Variants in THYN1 observed in about 807,000 individuals in gnomAD.
THYN1 encodes the protein thymocyte nuclear protein 1.
Under a neutral mutation model 30.6 loss-of-function variants are expected in THYN1, and 32 were observed. The observed-to-expected ratio is 1.05, with a 90% CI of 0.79 to 1.40. The LOEUF (loss-of-function observed/expected upper bound fraction) is 1.40. THYN1 is among the 40% of genes most tolerant of loss of function. THYN1 has a pLI of 0.00. For missense variants in THYN1, 259 were observed against 272.6 expected (o/e 0.95, Z 0.35); for synonymous variants, 107 against 90.8 (o/e 1.18, Z -1.01).
chr11:134,248,497 A>G lies in THYN1; in HGVS notation c.632-13T>C. The G allele has an allele frequency of 6.2e-7, 1 of 1,613,994 alleles. No individual in the cohort carries two copies. The highest frequency in any genetic ancestry group is 1.1e-5 in the South Asian group (1 of 91,038). On this transcript the variant is annotated splice_polypyrimidine_tract_variant and intron_variant, in intron 6 of 6. Coordinates refer to ENST00000341541, the MANE Select transcript of THYN1 (RefSeq NM_014174.3). The stretch of plus-strand genomic sequence containing the variant: ...AAATCAAACTCTTCTACAAAAAAAA[A>G]AGGGAAAAAGGAAGGATTAGTTTTT...
At position 134,249,174 on chromosome 11, in the gene THYN1, C is replaced by G; in HGVS notation, c.473G>C (p.Trp158Ser). ...DPSSKEDNPK[W>S]SMVDVQFVRM... ...AGAAAGCATAGTCTTTACCATGGAC[C>G]ACTTAGGGTTGTCCTCTTTGCTAGA... is the stretch of plus-strand genomic sequence containing the variant. Residue 158 changes from tryptophan to serine, a missense_variant, in exon 5 of 7, where the codon TGG becomes TCG. By Grantham distance (177) the Trp-to-Ser change is radical. Coordinates refer to ENST00000341541, the MANE Select transcript of THYN1 (RefSeq NM_014174.3). 6.2e-7 allele frequency: 1 copy of G among 1,611,614 alleles called. No homozygotes were observed. The highest frequency in any genetic ancestry group is 8.5e-7 in the Non-Finnish European group (1 of 1,178,970).
intron 3 of THYN1, 88 bp from the exon 4 acceptor site, chr11:134,250,008 G>T: frequency 7.5e-7 from 1 of 1,327,002 alleles, no homozygotes; most frequent in Non-Finnish European, 1.1e-6. Context: ...TTTAATAGAT[G>T]GGTGATTCTT....
chr11:134,248,983 CAGAA>C lies in THYN1; in HGVS notation c.481-28_481-25del, dbSNP rs747087764. On this transcript the variant is annotated intron_variant, in intron 5 of 6. Coordinates refer to ENST00000341541, the MANE Select transcript of THYN1 (RefSeq NM_014174.3). ...ACCTATGTGACAACAGTGTACATGACAGAAAGACGTGTCTAGGCTGACTGTGCCC... is the reference window on the plus strand; with the variant it reads ...ACCTATGTGACAACAGTGTACATGACAGACGTGTCTAGGCTGACTGTGCCC... 3.7e-6 allele frequency: 6 copies of C among 1,613,830 alleles called. No individual in the cohort carries two copies. In the African/African-American group the frequency reaches 5.3e-5, roughly 14 times the overall value.
rs183185765 is a variant in THYN1 at position 134,253,188 on chromosome 11, A to C, written c.-306T>G. The C allele has an allele frequency of 9.0e-5, 120 of 1,328,962 alleles. No homozygotes were observed. The East Asian group carries it at 3.6e-3, about 40-fold the overall frequency. The allele number at this position is 1,328,962 out of a possible 1,614,324, so 82.3% of individuals were successfully genotyped here. A position where few individuals can be genotyped will look rare whatever the true frequency, so the allele number is the denominator to read the frequency against. On this transcript the variant is annotated 5_prime_UTR_variant, in exon 1 of 7. Transcript: ENST00000341541. Reference sequence around the variant, plus strand: ...TTCACTGGGAAGTGGCTCCACAGAGACACTTTTGTTGGGTGAATATAAGTA... The same window carrying C: ...TTCACTGGGAAGTGGCTCCACAGAGCCACTTTTGTTGGGTGAATATAAGTA...
chr11:134,250,637 A>G (rs1160406085), intron 2 of THYN1, among the ~76,000 whole-genome samples: 1 of 152,212 alleles, frequency 6.6e-6, no homozygotes, highest in South Asian at 2.1e-4. Flanking sequence ...AGTTCTGCTT[A>G]TATTTTTCCC....
At chr11:134,249,706 A>C in intron 4 of THYN1, 122 bp downstream of exon 4, 1 of 885,028 alleles carries the variant, frequency 1.1e-6, no homozygotes, top group East Asian at 2.7e-5. Flanking sequence ...TTCCTGTAAA[A>C]GGGGGATGGG....
In THYN1 at chr11:134,249,151, A is replaced by G. The variant is rs1938927648; in HGVS notation, c.480+16T>C. 1 of 1,603,494 alleles carries G rather than the reference A, an allele frequency of 6.2e-7. No homozygotes were observed. The highest frequency in any genetic ancestry group is 8.5e-7 in the Non-Finnish European group (1 of 1,174,344). On this transcript the variant is annotated intron_variant, in intron 5 of 6. Coordinates refer to ENST00000341541, the MANE Select transcript of THYN1 (RefSeq NM_014174.3). Reference sequence around the variant, plus strand: ...TCATCCTTCCCCTGTCATGAAATAGAAAGCATAGTCTTTACCATGGACCAC... The same window carrying G: ...TCATCCTTCCCCTGTCATGAAATAGGAAGCATAGTCTTTACCATGGACCAC...
chr11:134,249,969 A>G (rs765759324), intron 3 of THYN1, 49 bp from the exon 4 acceptor site: 1 of 1,563,190 alleles, frequency 6.4e-7, no homozygotes, highest in Non-Finnish European at 8.7e-7. Context: ...GCTGGAAAGT[A>G]CTAGCTTTTA....
Position 134,249,878 on chromosome 11 carries a change from A to C in THYN1, c.334T>G (p.Phe112Val), listed in dbSNP as rs774542482. The C allele has an allele frequency of 2.0e-5, 32 of 1,614,180 alleles. No homozygotes were observed. The South Asian group carries it at 2.2e-4, about 11-fold the overall frequency. ...TCTTTGCAGTTGCTATGGTAGAAGA[A>C]GGCTTCTTCTCCCAGCTTCATGGCT... ...LRAMKLGEEAFFYHSNCKEPG... is the reference protein window; with the variant it reads ...LRAMKLGEEAVFYHSNCKEPG... The change falls in exon 4 of 7, where the codon TTC becomes GTC. Residue 112 changes from phenylalanine (F) to valine (V), a missense_variant. Transcript: ENST00000341541.
chr11:134,248,546 G>C (rs1488369668), intron 6 of THYN1, 62 bp from the exon 7 acceptor site: 10 of 1,592,720 alleles, frequency 6.3e-6, no homozygotes, highest in Non-Finnish European at 8.6e-6. Flanking sequence ...GAACAGGAAA[G>C]TTGTGCCAGG....
At chr11:134,252,771 A>G (rs1268929218) in intron 1 of THYN1, 69 bp downstream of exon 1, 2 of 1,557,536 alleles carry the variant, frequency 1.3e-6, no homozygotes, top group Non-Finnish European at 1.8e-6. Context: ...GTGAAAAATG[A>G]GTACTAAACA....
intron 5 of THYN1, 90 bp downstream of exon 5, chr11:134,249,077 G>A: frequency 1.3e-6 from 2 of 1,545,228 alleles, no homozygotes; most frequent in Middle Eastern, 3.4e-4. Flanking sequence ...GTAAGTGCTG[G>A]GCCGTGTACC....
Position 134,253,006 on chromosome 11 carries a change from G to C in THYN1, c.-124C>G. The C allele has an allele frequency of 6.9e-7, 1 of 1,454,852 alleles. No homozygotes were observed. Among genetic ancestry groups the C allele is most frequent in the Non-Finnish European group, 9.0e-7 (1 of 1,109,014 alleles). 90.1% of individuals were successfully genotyped at this position (1,454,852 alleles called of 1,614,324 possible). A position where few individuals can be genotyped will look rare whatever the true frequency, so the allele number is the denominator to read the frequency against. On this transcript the variant is annotated 5_prime_UTR_variant, in exon 1 of 7. Transcript: ENST00000341541. ...GAGGCAACGAGAGGCAGCCTAGAAC[G>C]TCTCCAACTTTTGCGAAACACAGAC...
At chr11:134,249,545 T>C (rs1473015824) in intron 4 of THYN1, among the ~76,000 whole-genome samples, 2 of 152,200 alleles carry the variant, frequency 1.3e-5, no homozygotes, top group African/African-American at 4.8e-5. Flanking sequence ...AGTTAATAAT[T>C]TTATCCTGAT....
At chr11:134,252,350 G>A (rs1288893792) in intron 1 of THYN1, among the ~76,000 whole-genome samples, 2 of 152,132 alleles carry the variant, frequency 1.3e-5, no homozygotes, top group Non-Finnish European at 2.9e-5. Context: ...ACCTTCCAAT[G>A]TTCCTCCTCC....
At chr11:134,250,481 G>T in intron 2 of THYN1, 138 bp from the exon 3 acceptor site, 7 of 855,386 alleles carry the variant, frequency 8.2e-6, no homozygotes, top group Non-Finnish European at 1.1e-5. Context: ...CCGGGAAGTG[G>T]CTCCACAGAG....
rs769868047 is a variant in THYN1 at position 134,248,285 on chromosome 11, A to G, written c.*153T>C. ...TGTGGTTTTAGAAGAAAAGTTCTTC[A>G]ACTTTGATATTTTATTGAAAAAAGT... On this transcript the variant is annotated 3_prime_UTR_variant, in exon 7 of 7. Transcript: ENST00000341541. The G allele has an allele frequency of 1.1e-6, 1 of 943,306 alleles. No individual in the cohort carries two copies. Among genetic ancestry groups the G allele is most frequent in the Non-Finnish European group, 1.8e-6 (1 of 569,596 alleles). The allele number at this position is 943,306 out of a possible 1,614,324, so 58.4% of individuals were successfully genotyped here.
intron 2 of THYN1, 120 bp downstream of exon 2, chr11:134,251,010 T>C (rs1939022632): frequency 2.5e-6 from 3 of 1,182,860 alleles, no homozygotes; most frequent in Non-Finnish European, 2.3e-6. Context: ...TTTTATTCAT[T>C]TTTACCTTTT....
In THYN1 at chr11:134,252,952, G is replaced by C. The variant is rs568479467; in HGVS notation, c.-70C>G. 6.6e-7 allele frequency: 1 copy of C among 1,510,350 alleles called. No homozygotes were observed. The highest frequency in any genetic ancestry group is 8.8e-7 in the Non-Finnish European group (1 of 1,132,162). 93.6% of individuals were successfully genotyped at this position (1,510,350 alleles called of 1,614,324 possible). ...CGGAGATACAAGAAAGAATGCTAAT[G>C]TCCTCCAAAACCCGCGCAGAGCGAG... On this transcript the variant is annotated 5_prime_UTR_variant, in exon 1 of 7. Transcript: ENST00000341541.
Sources: allele counts gnomAD v4.1 joint callset (sites outside exome capture counted in the v4.1 genomes callset), GRCh38; gene constraint gnomAD v4.1.1; transcripts MANE v1.5; gene names NCBI Gene and HGNC (gene_info 2026-07-23, HGNC 2026-07-21).